PIP5K1C: variants seen among roughly 807,000 people sequenced by gnomAD.
PIP5K1C encodes the protein phosphatidylinositol 4-phosphate 5-kinase type-1 gamma.
PIP5K1C carries 45 observed loss-of-function variants against 80.1 expected under a neutral mutation model. The ratio of observed to expected loss-of-function variants is 0.56; its 90% CI spans 0.44 to 0.72. The LOEUF is 0.72. PIP5K1C is among the 30% of genes least tolerant of loss of function. The pLI is 0.00. For missense variants in PIP5K1C, 753 were observed against 954.6 expected, an observed-to-expected ratio of 0.79 and a Z score of 2.78; for synonymous variants, 498 against 420.1, an observed-to-expected ratio of 1.19 and a Z score of -2.27.
chr19:3,661,823 G>A (rs192582663), intron 4 of PIP5K1C, 48 bp downstream of exon 4: 1 of 1,605,306 alleles, frequency 6.2e-7, no homozygotes, highest in East Asian at 2.2e-5. Flanking sequence ...CCGCCTCAGA[G>A]CCACGTGTGT....
At chr19:3,662,130 G>C in intron 3 of PIP5K1C, 129 bp from the exon 4 acceptor site, 1 of 1,159,044 alleles carries the variant, frequency 8.6e-7, no homozygotes, top group Non-Finnish European at 1.2e-6. Context: ...ACCCCCTCCT[G>C]GTGGTCCCCG....
chr19:3,684,332 A>G (rs2035686012), intron 1 of PIP5K1C, among the ~76,000 whole-genome samples: 1 of 152,192 alleles, frequency 6.6e-6, no homozygotes, highest in South Asian at 2.1e-4. Context: ...ACAGATGGGG[A>G]CACCTGCTGC....
At position 3,638,424 on chromosome 19, in the gene PIP5K1C, G is replaced by A. The variant is rs546213829; in HGVS notation, c.1920+460C>T. 2.0e-5 allele frequency among the ~76,000 whole-genome samples: 3 copies of A among 152,334 alleles called. No homozygotes were observed. In the East Asian group the frequency reaches 5.8e-4, roughly 29 times the overall value. On this transcript the variant is annotated intron_variant, in intron 16 of 17. Transcript: ENST00000335312. Reference sequence around the variant, plus strand: ...CTCAAGGATAAGCCCACCTGGCCACGCCCACGGCAACAGGGAGAAGGTCCT... The same window carrying A: ...CTCAAGGATAAGCCCACCTGGCCACACCCACGGCAACAGGGAGAAGGTCCT...
chr19:3,636,085 G>A (rs1737032676), intron 16 of PIP5K1C, among the ~76,000 whole-genome samples: 2 of 151,908 alleles, frequency 1.3e-5, no homozygotes. Flanking sequence ...TGTACCTGGG[G>A]GGTGGAGGTT....
intron 1 of PIP5K1C, among the ~76,000 whole-genome samples, chr19:3,669,521 G>A (rs2035130592): frequency 6.6e-6 from 1 of 152,216 alleles, no homozygotes; most frequent in Non-Finnish European, 1.5e-5. Flanking sequence ...ATTTCCCCGA[G>A]AGACAAAAAG....
At chr19:3,689,505 C>T (rs1199322356) in intron 1 of PIP5K1C, among the ~76,000 whole-genome samples, 1 of 151,940 alleles carries the variant, frequency 6.6e-6, no homozygotes, top group African/African-American at 2.4e-5. Context: ...AAAAATTAGC[C>T]GGGTGTGGTG....
intron 1 of PIP5K1C, among the ~76,000 whole-genome samples, chr19:3,670,309 T>A (rs1457998588): frequency 2.0e-5 from 3 of 152,090 alleles, no homozygotes; most frequent in Non-Finnish European, 2.9e-5. Context: ...CTGATGTCAT[T>A]GGGTAAGATG....
Position 3,633,154 on chromosome 19 carries a change from G to C in PIP5K1C, c.*13C>G. The C allele has an allele frequency of 1.3e-6, 1 of 766,028 alleles. No individual in the cohort carries two copies. The highest frequency in any genetic ancestry group is 2.4e-6 in the Non-Finnish European group (1 of 411,724). The allele number at this position is 766,028 out of a possible 1,614,324, so 47.5% of individuals were successfully genotyped here. A position where few individuals can be genotyped will look rare whatever the true frequency, so the allele number is the denominator to read the frequency against. ...AAGTGGAGCTCGGCTCTGGGTCGGG[G>C]GCTGCATAGAAATTACTGCAAGAGC... On this transcript the variant is annotated 3_prime_UTR_variant, in exon 18 of 18. Coordinates refer to ENST00000335312, the MANE Select transcript of PIP5K1C (RefSeq NM_012398.3).
Position 3,644,209 on chromosome 19 carries a change from A to C in PIP5K1C, c.1388T>G (p.Leu463Trp). Residue 463 changes from leucine to tryptophan, a missense_variant, in exon 12 of 18, where the codon TTG (leucine) becomes TGG (tryptophan). Transcript: ENST00000335312. The part of the protein sequence containing the change: ...SPSKKGRGGA[L>W]LAVKPLGPTA... ...GGGCCCCAGCGGTTTCACAGCTAGC[A>C]AGGCTCCGCCGCGCCCCTTCTTGGA... is the stretch of plus-strand genomic sequence containing the variant. 1 of 1,612,452 alleles carries C rather than the reference A, an allele frequency of 6.2e-7. No individual in the cohort carries two copies. Among genetic ancestry groups the C allele is most frequent in the Non-Finnish European group, 8.5e-7 (1 of 1,179,874 alleles).
At chr19:3,643,125 C>G (rs2034044616) in intron 13 of PIP5K1C, 118 bp downstream of exon 13, 2 of 1,493,374 alleles carry the variant, frequency 1.3e-6, no homozygotes, top group Non-Finnish European at 1.8e-6. Flanking sequence ...TGTACATCCA[C>G]CGTACATACG....
At chr19:3,644,276 G>A in intron 11 of PIP5K1C, 25 bp from the exon 12 acceptor site, 1 of 1,605,928 alleles carries the variant, frequency 6.2e-7, no homozygotes, top group Non-Finnish European at 8.5e-7. Flanking sequence ...GGGGGTTGGT[G>A]CTTGGGGTTG....
intron 1 of PIP5K1C, among the ~76,000 whole-genome samples, chr19:3,670,154 G>A (rs2035158820): frequency 6.6e-6 from 1 of 152,090 alleles, no homozygotes; most frequent in Non-Finnish European, 1.5e-5. Flanking sequence ...TGGGGAGGGG[G>A]CCGCATTCGA....
At chr19:3,655,747 G>C (rs1479902537) in intron 6 of PIP5K1C, among the ~76,000 whole-genome samples, 3 of 152,212 alleles carry the variant, frequency 2.0e-5, no homozygotes, top group African/African-American at 4.8e-5. Flanking sequence ...CTGAGTCACA[G>C]GCTGTGCTGT....
rs746395601 is a variant in PIP5K1C, at chr19:3,632,305, G to T, written c.*862C>A. On this transcript the variant is annotated 3_prime_UTR_variant, in exon 18 of 18. Coordinates refer to ENST00000335312, the MANE Select transcript of PIP5K1C (RefSeq NM_012398.3). ...CCTGTGGCCCAAGGCCCGGCCTCCC[G>T]CTCTGTCCTGCCATGGAGAAAACGT... The T allele has an allele frequency of 1.3e-5, 2 of 152,324 alleles. No homozygotes were observed. Among genetic ancestry groups the T allele is most frequent in the African/African-American group, 4.8e-5 (2 of 41,450 alleles). The allele number at this position is 152,324 out of a possible 1,614,324, so 9.4% of individuals were successfully genotyped here.
At chr19:3,687,827 C>T (rs1421562418) in intron 1 of PIP5K1C, among the ~76,000 whole-genome samples, 2 of 151,640 alleles carry the variant, frequency 1.3e-5, no homozygotes, top group Admixed American at 1.3e-4. Flanking sequence ...TCGCTTTCCC[C>T]GCAGCAGGTG....
rs116338356 is a variant in PIP5K1C at position 3,687,606 on chromosome 19, C to T, written c.94+12691G>A. On this transcript the variant is annotated intron_variant, in intron 1 of 17. Coordinates refer to ENST00000335312, the MANE Select transcript of PIP5K1C (RefSeq NM_012398.3). ...ACATGCAGATACACACATGCATACA[C>T]GCACACACACGCACAGGCCCTCAGA... Among the ~76,000 whole-genome samples the T allele has an allele frequency of 4.2e-3, 633 of 151,658 alleles. 7 individuals are homozygous for T. Among genetic ancestry groups the T allele is most frequent in the African/African-American group, 0.013 (531 of 41,398 alleles).
rs1204213829 is a variant in PIP5K1C, at chr19:3,696,749, G to A, written c.94+3548C>T. 6.6e-6 allele frequency among the ~76,000 whole-genome samples: 1 copy of A among 151,284 alleles called. No individual in the cohort carries two copies. The highest frequency in any genetic ancestry group is 1.5e-5 in the Non-Finnish European group (1 of 67,756). On this transcript the variant is annotated intron_variant, in intron 1 of 17. Transcript: ENST00000335312. This position sits in a 1 kb window ranked among gnomAD's most constrained non-coding sequence, Gnocchi z 4.1. Reference sequence around the variant, plus strand: ...CAGAGTGCGGAGGGGAGGGCAGGGAGGGCAGGGAGGGCCCGGGGCAGGCTG... The same window carrying A: ...CAGAGTGCGGAGGGGAGGGCAGGGAAGGCAGGGAGGGCCCGGGGCAGGCTG...
intron 17 of PIP5K1C, 37 bp downstream of exon 17, chr19:3,633,400 C>A: frequency 7.0e-7 from 1 of 1,429,442 alleles, no homozygotes; most frequent in Non-Finnish European, 9.3e-7. Flanking sequence ...AACCTTGGAG[C>A]CCACGGGACC....
At position 3,651,963 on chromosome 19, in the gene PIP5K1C, C is replaced by T. The variant is rs749818030; in HGVS notation, c.990G>A (p.Glu330=). 6.2e-7 allele frequency: 1 copy of T among 1,613,116 alleles called. No individual in the cohort carries two copies. The highest frequency in any genetic ancestry group is 1.1e-5 in the South Asian group (1 of 91,088). Reference sequence around the variant, plus strand: ...GGGCGCCCTGCGCCTGCCGCTCGCGCTCGTGCTGGTCGATGTTGTGCACGC... The same window carrying T: ...GGGCGCCCTGCGCCTGCCGCTCGCGTTCGTGCTGGTCGATGTTGTGCACGC... ...LLGVHNIDQH[E]RERQAQGAQS... is the part of the protein sequence containing the mutation. Residue 330 remains glutamate (E), a synonymous_variant, in exon 8 of 18, where the codon GAG becomes GAA. Transcript: ENST00000335312.
Sources: gnomAD v4.1 joint callset for allele counts (sites outside exome capture counted in the v4.1 genomes callset) on GRCh38, gnomAD v4.1.1 for gene constraint, Gnocchi (gnomAD v3.1) non-coding constraint, MANE v1.5 for transcripts, NCBI Gene and HGNC (gene_info 2026-07-23, HGNC 2026-07-21) for gene names.